The following ATP2C1 variants were observed in gnomAD, a reference collection of about 807,000 sequenced individuals.
The protein encoded by ATP2C1 is ATPase secretory pathway Ca2+ transporting 1, also known as calcium-transporting ATPase type 2C member 1.
Under a neutral mutation model 120.5 loss-of-function variants are expected in ATP2C1, and 31 were observed. That is an observed-to-expected ratio of 0.26 (90% confidence interval 0.19 to 0.35). ATP2C1 has a LOEUF of 0.35. Among genes scored for constraint, ATP2C1 ranks in the 10% least tolerant of loss-of-function variants. The pLI is 1.00. For synonymous variants in ATP2C1, 351 were observed against 358.7 expected, an observed-to-expected ratio of 0.98 and a Z score of 0.24; for missense variants, 731 against 1,107.5, an observed-to-expected ratio of 0.66 and a Z score of 4.83.
chr3:130,918,313 T>C, intron 2 of ATP2C1: 1 of 1,565,042 alleles, frequency 6.4e-7, no homozygotes, highest in Non-Finnish European at 8.8e-7. Context: ...AGATTTCACC[T>C]TCTTTTTCAG....
rs1553764222 is a variant in ATP2C1, at chr3:130,941,252, G to GTGTGTGTGTGTGTGTGTC, written c.423-326_423-325insGTGTCTGTGTGTGTGTGT. On this transcript the variant is annotated intron_variant, in intron 7 of 27. Coordinates refer to ENST00000510168, the MANE Select transcript of ATP2C1 (RefSeq NM_001378687.1). ...TGTGTGTGTGTGTGTGTGTGTGTGT[G>GTGTGTGTGTGTGTGTGTC]TGTGTGTGTGTGTCTGTGTGTGTGC... Among the ~76,000 whole-genome samples, 481 of 144,382 alleles carry GTGTGTGTGTGTGTGTGTC rather than the reference G, an allele frequency of 3.3e-3. 3 individuals carry two copies. The highest frequency in any genetic ancestry group is 0.012 in the African/African-American group (417 of 35,852). 94.7% of individuals were successfully genotyped at this position (144,382 alleles called of 152,430 possible). A position where few individuals can be genotyped will look rare whatever the true frequency, so the allele number is the denominator to read the frequency against.
intron 20 of ATP2C1, among the ~76,000 whole-genome samples, chr3:130,989,959 CTT>C (rs1481679914): frequency 6.6e-6 from 1 of 151,990 alleles, no homozygotes; most frequent in Admixed American, 6.6e-5. Flanking sequence ...GATTTTTGAA[CTT>C]TTTTGAAAGA....
At chr3:130,951,684 G>A (rs1330943024) in intron 8 of ATP2C1, among the ~76,000 whole-genome samples, 1 of 152,106 alleles carries the variant, frequency 6.6e-6, no homozygotes, top group African/African-American at 2.4e-5. Flanking sequence ...TAAATCTTCA[G>A]TTGCGTTAAG....
intron 1 of ATP2C1, among the ~76,000 whole-genome samples, chr3:130,859,906 A>C (rs1489773007): frequency 2.0e-5 from 3 of 152,150 alleles, no homozygotes; most frequent in African/African-American, 7.2e-5. Context: ...CGAATGACAA[A>C]TATCACAAGC....
At chr3:130,892,363 CGA>C (rs1553749378), upstream of ATP2C1, among the ~76,000 whole-genome samples, 2 of 152,148 alleles carry the variant, frequency 1.3e-5, no homozygotes, top group African/African-American at 2.4e-5. Context: ...AAATTGATTA[CGA>C]GAGATCACAA....
chr3:130,911,369 A>G (rs972480585), intron 2 of ATP2C1, among the ~76,000 whole-genome samples: 2 of 150,328 alleles, frequency 1.3e-5, no homozygotes, highest in East Asian at 2.0e-4. Flanking sequence ...CTAGTGGTCT[A>G]TCAATTTTGT....
Position 130,986,864 on chromosome 3 carries a change from ATTAGTTTAGTTTAGTTTAGTTTAGT to A in ATP2C1, c.1840-6050_1840-6026del, listed in dbSNP as rs1230278748. Among the ~76,000 whole-genome samples the A allele has an allele frequency of 1.0e-4, 14 of 137,462 alleles. 1 individual carries two copies. Among genetic ancestry groups the A allele is most frequent in the African/African-American group, 3.5e-4 (13 of 37,436 alleles). The allele number at this position is 137,462 out of a possible 152,430, so 90.2% of individuals were successfully genotyped here. On this transcript the variant is annotated intron_variant, in intron 20 of 27. Coordinates refer to ENST00000510168, the MANE Select transcript of ATP2C1 (RefSeq NM_001378687.1). ...TGTTTATTTGGCCTTCAGCTTTTTG[ATTAGTTTAGTTTAGTTTAGTTTAGT>A]TTAGTTTAGTTTAGTTTAGTTTAGT...
chr3:130,932,550 T>A (rs1559939524), intron 4 of ATP2C1, among the ~76,000 whole-genome samples: 1 of 152,150 alleles, frequency 6.6e-6, no homozygotes, highest in Non-Finnish European at 1.5e-5. Flanking sequence ...AGTTGTGTCA[T>A]CTTTATTATC....
chr3:130,894,155 C>G lies in ATP2C1; in HGVS notation c.-363C>G. On this transcript the variant is annotated 5_prime_UTR_variant, in exon 1 of 28. Transcript: ENST00000510168. The surrounding 1 kb of genome is among the most constrained non-coding windows in gnomAD (Gnocchi z 4.5). ...CCCCTCACCTCCTCTTCTCTCCCCT[C>G]CCCGCCCGCCCTCTCTCCCTCCCTT... is the stretch of plus-strand genomic sequence containing the variant. 2.1e-5 allele frequency: 9 copies of G among 419,068 alleles called. No individual in the cohort carries two copies. Among genetic ancestry groups the G allele is most frequent in the Non-Finnish European group, 2.2e-5 (7 of 313,208 alleles). 26.0% of individuals were successfully genotyped at this position (419,068 alleles called of 1,614,324 possible).
At chr3:130,913,421 C>T (rs1201992712) in intron 2 of ATP2C1, among the ~76,000 whole-genome samples, 1 of 152,078 alleles carries the variant, frequency 6.6e-6, no homozygotes, top group Non-Finnish European at 1.5e-5. Context: ...CCTAGTGGTA[C>T]TGAGTTATTA....
intron 23 of ATP2C1, 51 bp from the exon 24 acceptor site, chr3:130,996,629 A>G: frequency 8.2e-7 from 1 of 1,212,338 alleles, no homozygotes; most frequent in Non-Finnish European, 1.2e-6. Flanking sequence ...GTATCATAGA[A>G]TCAACAGATT....
chr3:130,914,213 T>C (rs1240770556), intron 2 of ATP2C1: 2 of 152,116 alleles, frequency 1.3e-5, no homozygotes, highest in Non-Finnish European at 2.9e-5. Flanking sequence ...TTGCAGATCC[T>C]TTAAGGATAA....
intron 2 of ATP2C1, among the ~76,000 whole-genome samples, chr3:130,924,141 GTTTT>G (rs1389822150): frequency 3.5e-5 from 4 of 113,766 alleles, no homozygotes; most frequent in Non-Finnish European, 6.7e-5. Context: ...TTAGTTTTTT[GTTTT>G]TGTTTTTTTT....
At chr3:130,947,567 A>G (rs937290753) in intron 8 of ATP2C1, among the ~76,000 whole-genome samples, 2 of 152,136 alleles carry the variant, frequency 1.3e-5, no homozygotes, top group Non-Finnish European at 2.9e-5. Flanking sequence ...ATTTAATGTA[A>G]TGTTTTTAGG....
intron 26 of ATP2C1, among the ~76,000 whole-genome samples, chr3:131,013,438 A>AT (rs2063418770): frequency 6.6e-6 from 1 of 152,174 alleles, no homozygotes; most frequent in Non-Finnish European, 1.5e-5. Context: ...ATCTCTTGAT[A>AT]TTTTCACTTC....
chr3:130,970,883 A>G (rs2061281504), intron 17 of ATP2C1, among the ~76,000 whole-genome samples: 1 of 152,164 alleles, frequency 6.6e-6, no homozygotes, highest in Admixed American at 6.5e-5. Context: ...CAGGTTGGTT[A>G]ACACTGAACT....
chr3:130,972,938 G>A (rs1223743571), intron 17 of ATP2C1, among the ~76,000 whole-genome samples: 1 of 151,788 alleles, frequency 6.6e-6, no homozygotes, highest in Non-Finnish European at 1.5e-5. Flanking sequence ...GAAAGGTAGT[G>A]GCAGATGCTG....
intron 11 of ATP2C1, among the ~76,000 whole-genome samples, chr3:130,956,520 A>C (rs2108571295): frequency 6.6e-6 from 1 of 152,230 alleles, no homozygotes; most frequent in African/African-American, 2.4e-5. Flanking sequence ...ACATAAAACA[A>C]ACATAAAGGT....
intron 26 of ATP2C1, chr3:131,013,837 A>G (rs2063442437): frequency 2.2e-6 from 1 of 452,678 alleles, no homozygotes; most frequent in Non-Finnish European, 3.9e-6. Flanking sequence ...CATGAGAAGT[A>G]TAAACATGGT....
Sources: gnomAD v4.1 joint callset for allele counts (sites outside exome capture counted in the v4.1 genomes callset) on GRCh38, gnomAD v4.1.1 for gene constraint, Gnocchi (gnomAD v3.1) non-coding constraint, MANE v1.5 for transcripts, NCBI Gene and HGNC (gene_info 2026-07-23, HGNC 2026-07-21) for gene names.